HMGCLL1: variants seen among roughly 807,000 people sequenced by gnomAD.
HMGCLL1 encodes 3-hydroxymethyl-3-methylglutaryl-CoA lyase, cytoplasmic.
Under a neutral mutation model 39.1 loss-of-function variants are expected in HMGCLL1, and 36 were observed. The ratio of observed to expected loss-of-function variants is 0.92; its 90% CI spans 0.71 to 1.22. HMGCLL1 has a LOEUF of 1.22. HMGCLL1 is among the 50% of genes most tolerant of loss of function. The probability of loss-of-function intolerance (pLI) is 0.00; values close to 1 mark genes in which losing one functional copy is unlikely to be tolerated. For synonymous variants in HMGCLL1, 149 were observed against 144.0 expected, an observed-to-expected ratio of 1.03 and a Z score of -0.25; for missense variants, 451 against 416.5, an observed-to-expected ratio of 1.08 and a Z score of -0.72.
the HMGCLL1 span, among the ~76,000 whole-genome samples, chr6:55,589,455 G>C: frequency 6.6e-6 from 1 of 152,026 alleles, no homozygotes; most frequent in Non-Finnish European, 1.5e-5. Context: ...CATACTGAAT[G>C]GGAAAAACTG....
chr6:55,553,020 G>A (rs1271748985), intron 1 of HMGCLL1, among the ~76,000 whole-genome samples: 3 of 151,582 alleles, frequency 2.0e-5, no homozygotes, highest in Non-Finnish European at 4.4e-5. Context: ...GCACGTGCCT[G>A]TAATCCCAGC....
the HMGCLL1 span, among the ~76,000 whole-genome samples, chr6:55,641,696 C>T: frequency 1.3e-5 from 2 of 151,696 alleles, no homozygotes; most frequent in Admixed American, 6.6e-5. Context: ...ATAATAAATA[C>T]GTATTCTATA....
chr6:55,525,723 A>G (rs1379775913), intron 3 of HMGCLL1, among the ~76,000 whole-genome samples: 1 of 151,918 alleles, frequency 6.6e-6, no homozygotes. Flanking sequence ...ATTGGCCCCA[A>G]TGAACCAAAA....
At chr6:55,438,499 G>A (rs1763460445) in intron 8 of HMGCLL1, among the ~76,000 whole-genome samples, 1 of 152,096 alleles carries the variant, frequency 6.6e-6, no homozygotes, top group South Asian at 2.1e-4. Context: ...TGACCTGGGG[G>A]ATAGGCAGGG....
In HMGCLL1 at chr6:55,492,930, C is replaced by A. The variant is rs1337023640; in HGVS notation, c.795+2489G>T. Among the ~76,000 whole-genome samples, 7 of 152,112 alleles carry A rather than the reference C, an allele frequency of 4.6e-5. No homozygotes were observed. The East Asian group carries it at 1.4e-3, about 29-fold the overall frequency. ...GACAGACAGTCTAGTATCACAGGAG[C>A]CACTGAGGGGTACAGTATCGATCTC... On this transcript the variant is annotated intron_variant, in intron 7 of 8. Transcript: ENST00000274901.
At chr6:55,529,336 T>C (rs1768506280) in intron 3 of HMGCLL1, among the ~76,000 whole-genome samples, 1 of 152,146 alleles carries the variant, frequency 6.6e-6, no homozygotes, top group African/African-American at 2.4e-5. Context: ...CTGTATCTAA[T>C]TGTAGTTACT....
At chr6:55,567,134 T>C (rs745840771) in intron 1 of HMGCLL1, among the ~76,000 whole-genome samples, 4 of 152,000 alleles carry the variant, frequency 2.6e-5, no homozygotes, top group Admixed American at 6.6e-5. Flanking sequence ...AACCATATTG[T>C]AAAAGGGAAC....
chr6:55,499,103 A>G, intron 6 of HMGCLL1, 133 bp downstream of exon 6: 2 of 590,658 alleles, frequency 3.4e-6, no homozygotes, highest in Non-Finnish European at 5.8e-6. Context: ...AAGTGATCAA[A>G]TATGTCTTCA....
At chr6:55,467,401 C>A (rs1764839371) in intron 7 of HMGCLL1, among the ~76,000 whole-genome samples, 1 of 152,040 alleles carries the variant, frequency 6.6e-6, no homozygotes, top group Non-Finnish European at 1.5e-5. Context: ...GTTGCCATGC[C>A]ACCTAAGTGG....
At chr6:55,477,307 TA>T (rs1561904845) in intron 7 of HMGCLL1, among the ~76,000 whole-genome samples, 1 of 17,576 alleles carries the variant, frequency 5.7e-5, no homozygotes, top group Non-Finnish European at 8.0e-5. Context: ...ATATATATTA[TA>T]TATATAATAT....
At chr6:55,663,110 A>T in the HMGCLL1 span, among the ~76,000 whole-genome samples, 5 of 150,068 alleles carry the variant, frequency 3.3e-5, no homozygotes, top group Non-Finnish European at 7.4e-5. Flanking sequence ...GACCTATCTT[A>T]TTAATTAAAA....
At chr6:55,646,392 T>C in the HMGCLL1 span, among the ~76,000 whole-genome samples, 2 of 151,822 alleles carry the variant, frequency 1.3e-5, no homozygotes, top group African/African-American at 4.8e-5. Context: ...AATTTATTTA[T>C]TTATTGTCTG....
intron 7 of HMGCLL1, among the ~76,000 whole-genome samples, chr6:55,456,520 T>C (rs753982067): frequency 6.6e-6 from 1 of 152,200 alleles, no homozygotes; most frequent in Non-Finnish European, 1.5e-5. Flanking sequence ...ACGTCTTTGC[T>C]CTTCATCACA....
chr6:55,670,897 A>G, the HMGCLL1 span, among the ~76,000 whole-genome samples: 2 of 151,854 alleles, frequency 1.3e-5, no homozygotes, highest in East Asian at 3.9e-4. Context: ...ATGAGTGAAT[A>G]CAAAGCATGA....
chr6:55,670,171 A>G, the HMGCLL1 span, among the ~76,000 whole-genome samples: 1 of 151,802 alleles, frequency 6.6e-6, no homozygotes, highest in Non-Finnish European at 1.5e-5. Context: ...ATTATAAGCC[A>G]TGGAGGTCAG....
intron 7 of HMGCLL1, among the ~76,000 whole-genome samples, chr6:55,468,296 G>C (rs374482125): frequency 1.4e-4 from 21 of 151,854 alleles, no homozygotes; most frequent in Non-Finnish European, 2.9e-4. Flanking sequence ...ATACAAACAC[G>C]TCCCATCATA....
chr6:55,673,640 G>T, the HMGCLL1 span, among the ~76,000 whole-genome samples: 1 of 151,918 alleles, frequency 6.6e-6, no homozygotes, highest in East Asian at 1.9e-4. Flanking sequence ...TTAATAATTT[G>T]CTGCAAATTA....
chr6:55,622,304 T>C, the HMGCLL1 span, among the ~76,000 whole-genome samples: 4 of 152,110 alleles, frequency 2.6e-5, no homozygotes, highest in South Asian at 2.1e-4. Flanking sequence ...TTTCTAGTAC[T>C]ATGTTGAATA....
chr6:55,650,241 T>C, the HMGCLL1 span, among the ~76,000 whole-genome samples: 9 of 150,222 alleles, frequency 6.0e-5, no homozygotes, highest in Admixed American at 1.3e-4. Flanking sequence ...TGCTTATAAA[T>C]GTTCTTCAGT....
Sources: allele counts gnomAD v4.1 joint callset (sites outside exome capture counted in the v4.1 genomes callset), GRCh38; gene constraint gnomAD v4.1.1; transcripts MANE v1.5; gene names NCBI Gene and HGNC (gene_info 2026-07-23, HGNC 2026-07-21).